Variants in SCFD2 observed in about 807,000 individuals in gnomAD.
The protein encoded by SCFD2 is sec1 family domain-containing protein 2.
A neutral mutation model predicts 58.9 loss-of-function variants in SCFD2; 54 were observed. The observed-to-expected ratio is 0.92, with a 90% confidence interval of 0.74 to 1.15. The LOEUF (loss-of-function observed/expected upper bound fraction) is 1.15, where lower values mean the gene tolerates loss of function less well. Among genes scored for constraint, SCFD2 ranks in the 50% most tolerant of loss-of-function variants. The pLI is 0.00. For missense variants in SCFD2, 805 were observed against 836.6 expected, an observed-to-expected ratio of 0.96 and a Z score of 0.47; for synonymous variants, 321 against 335.9, an observed-to-expected ratio of 0.96 and a Z score of 0.49.
intron 5 of SCFD2, among the ~76,000 whole-genome samples, chr4:53,045,179 A>G (rs1468292333): frequency 6.6e-6 from 1 of 152,176 alleles, no homozygotes; most frequent in Non-Finnish European, 1.5e-5. Flanking sequence ...ACGTACATTT[A>G]TAGGATTTTA....
At chr4:53,036,643 T>A (rs1256233982) in intron 5 of SCFD2, among the ~76,000 whole-genome samples, 1 of 151,304 alleles carries the variant, frequency 6.6e-6, no homozygotes, top group Non-Finnish European at 1.5e-5. Context: ...AGTTGAACAA[T>A]GAGAAAATAT....
At chr4:53,091,173 A>G (rs776831387) in intron 5 of SCFD2, among the ~76,000 whole-genome samples, 1 of 152,166 alleles carries the variant, frequency 6.6e-6, no homozygotes, top group Admixed American at 6.6e-5. Context: ...GTTTAAATCT[A>G]TGGGCTGAAG....
At chr4:53,171,076 G>A (rs1727164313) in intron 4 of SCFD2, among the ~76,000 whole-genome samples, 1 of 152,148 alleles carries the variant, frequency 6.6e-6, no homozygotes, top group South Asian at 2.1e-4. Context: ...TAGAAGTGGT[G>A]ACTGTGTATA....
intron 7 of SCFD2, among the ~76,000 whole-genome samples, chr4:52,896,403 A>T (rs1221369593): frequency 5.3e-5 from 8 of 152,184 alleles, no homozygotes; most frequent in African/African-American, 1.9e-4. Flanking sequence ...TCCCAGCACC[A>T]TTTATTAAAT....
At chr4:52,900,361 T>C (rs562918636) in intron 7 of SCFD2, among the ~76,000 whole-genome samples, 218 of 152,350 alleles carry the variant, frequency 1.4e-3, no homozygotes, top group African/African-American at 5.0e-3. Context: ...TTAGTTTTCC[T>C]TCTAACAGTC....
intron 3 of SCFD2, among the ~76,000 whole-genome samples, chr4:53,283,933 C>T (rs1463193795): frequency 1.3e-5 from 2 of 151,662 alleles, no homozygotes; most frequent in South Asian, 4.2e-4. Flanking sequence ...CTGGTTAACA[C>T]AGTGAAACCC....
chr4:53,248,893 A>T (rs1307994268), intron 4 of SCFD2, among the ~76,000 whole-genome samples: 1 of 152,252 alleles, frequency 6.6e-6, no homozygotes, highest in Non-Finnish European at 1.5e-5. Flanking sequence ...TAAAAAGCAG[A>T]GCGCCTCTCC....
intron 5 of SCFD2, among the ~76,000 whole-genome samples, chr4:53,012,628 C>T (rs187954057): frequency 7.9e-5 from 12 of 152,030 alleles, no homozygotes; most frequent in Non-Finnish European, 1.2e-4. Context: ...AAAATTTTTA[C>T]CTTTCTCTAC....
intron 4 of SCFD2, among the ~76,000 whole-genome samples, chr4:53,149,360 C>T (rs879814542): frequency 3.9e-5 from 6 of 152,144 alleles, no homozygotes; most frequent in Admixed American, 1.3e-4. Context: ...TAAGACTTCC[C>T]AGTGACCAAA....
chr4:53,331,429 AG>A (rs1323237980), intron 2 of SCFD2, among the ~76,000 whole-genome samples: 7 of 152,356 alleles, frequency 4.6e-5, no homozygotes, highest in Middle Eastern at 3.4e-3. Flanking sequence ...ACTAGAACTC[AG>A]GATTAAGAAT....
At chr4:53,310,783 G>A (rs1732666654) in intron 3 of SCFD2, among the ~76,000 whole-genome samples, 1 of 152,132 alleles carries the variant, frequency 6.6e-6, no homozygotes, top group African/African-American at 2.4e-5. Flanking sequence ...GTTTTAACAT[G>A]AATTTACCTT....
intron 5 of SCFD2, among the ~76,000 whole-genome samples, chr4:53,050,253 G>A (rs953688825): frequency 6.6e-6 from 1 of 152,156 alleles, no homozygotes; most frequent in Non-Finnish European, 1.5e-5. Flanking sequence ...CAATAATGGT[G>A]GACAAATGAG....
At chr4:52,923,147 T>C (rs145784833) in intron 5 of SCFD2, among the ~76,000 whole-genome samples, 42 of 152,140 alleles carry the variant, frequency 2.8e-4, no homozygotes, top group African/African-American at 7.7e-4. Flanking sequence ...TTAGTCTTCA[T>C]CTCCTGGTTT....
At chr4:53,175,084 T>G (rs1164805810) in intron 4 of SCFD2, among the ~76,000 whole-genome samples, 2 of 152,190 alleles carry the variant, frequency 1.3e-5, no homozygotes, top group Non-Finnish European at 2.9e-5. Flanking sequence ...CTGCATACTT[T>G]AACAATCCCC....
chr4:53,201,991 T>C (rs1728257080), intron 4 of SCFD2, among the ~76,000 whole-genome samples: 1 of 152,204 alleles, frequency 6.6e-6, no homozygotes, highest in Non-Finnish European at 1.5e-5. Context: ...TTCACTCTGA[T>C]GGTAGTTTCT....
At chr4:53,009,964 C>T (rs1722059688) in intron 5 of SCFD2, among the ~76,000 whole-genome samples, 3 of 152,182 alleles carry the variant, frequency 2.0e-5, no homozygotes, top group Admixed American at 2.0e-4. Flanking sequence ...GCTCTGTGCT[C>T]ACTATACTTT....
chr4:53,323,771 G>A (rs1026023651), intron 2 of SCFD2, among the ~76,000 whole-genome samples: 1 of 151,988 alleles, frequency 6.6e-6, no homozygotes. Context: ...GTGTGTATGT[G>A]TGTGTATTGT....
intron 7 of SCFD2, among the ~76,000 whole-genome samples, chr4:52,897,079 A>G (rs1348662527): frequency 2.0e-5 from 3 of 152,318 alleles, no homozygotes; most frequent in African/African-American, 4.8e-5. Flanking sequence ...GGTTTTCTAG[A>G]TATACAATCA....
intron 3 of SCFD2, among the ~76,000 whole-genome samples, chr4:53,292,180 C>A (rs1731862698): frequency 1.3e-5 from 2 of 151,894 alleles, no homozygotes; most frequent in African/African-American, 2.4e-5. Flanking sequence ...GCAATTGCAA[C>A]AAAAGCAAAA....
Sources: gnomAD v4.1 joint callset for allele counts (sites outside exome capture counted in the v4.1 genomes callset) on GRCh38, gnomAD v4.1.1 for gene constraint, MANE v1.5 for transcripts, NCBI Gene and HGNC (gene_info 2026-07-23, HGNC 2026-07-21) for gene names.